POU2AF3: variants seen among roughly 807,000 people sequenced by gnomAD.
The protein encoded by POU2AF3 is cancer susceptibility candidate 13.
the POU2AF3 span, chr11:111,308,670 T>C: frequency 2.8e-6 from 1 of 358,652 alleles, no homozygotes; most frequent in Non-Finnish European, 4.9e-6. Flanking sequence ...TTTCAATTGT[T>C]TTACTTTTTG....
At chr11:111,300,540 G>T in the POU2AF3 span, 5 of 1,231,688 alleles carry the variant, frequency 4.1e-6, no homozygotes, top group South Asian at 8.2e-5. Context: ...AACCGAAGGT[G>T]TATCAAGGTG....
At chr11:111,300,936 G>GTT in the POU2AF3 span, among the ~76,000 whole-genome samples, 1 of 152,188 alleles carries the variant, frequency 6.6e-6, no homozygotes, top group Non-Finnish European at 1.5e-5. Flanking sequence ...CGTTTTGTTA[G>GTT]GAAGACAGTG....
chr11:111,308,329 A>T, the POU2AF3 span: 1 of 1,551,492 alleles, frequency 6.4e-7, no homozygotes, highest in South Asian at 1.2e-5. Flanking sequence ...CTCTCCAGGC[A>T]GCAGAGTACT....
chr11:111,308,265 C>T, the POU2AF3 span: 30 of 1,551,660 alleles, frequency 1.9e-5, no homozygotes, highest in African/African-American at 2.7e-4. Flanking sequence ...TGCTTCTCCT[C>T]GGCCACCACC....
the POU2AF3 span, chr11:111,299,551 G>C: frequency 5.0e-6 from 6 of 1,202,178 alleles, no homozygotes; most frequent in African/African-American, 6.3e-5. Context: ...CCGCGAGCCG[G>C]GGCAGTCCGA....
the POU2AF3 span, chr11:111,307,981 C>T: frequency 1.6e-6 from 2 of 1,276,092 alleles, no homozygotes; most frequent in African/African-American, 3.1e-5. Context: ...CTCATTTTCT[C>T]ACTCTGCATT....
the POU2AF3 span, among the ~76,000 whole-genome samples, chr11:111,305,686 T>C: frequency 6.6e-6 from 1 of 152,220 alleles, no homozygotes; most frequent in Non-Finnish European, 1.5e-5. Flanking sequence ...TTATCACAAA[T>C]TGGGCCTATT....
At chr11:111,304,311 G>A in the POU2AF3 span, among the ~76,000 whole-genome samples, 1 of 139,126 alleles carries the variant, frequency 7.2e-6, no homozygotes, top group Non-Finnish European at 1.6e-5. Flanking sequence ...AGATAGTTGA[G>A]ATTAAATAAA....
the POU2AF3 span, among the ~76,000 whole-genome samples, chr11:111,301,256 C>T: frequency 6.6e-6 from 1 of 152,210 alleles, no homozygotes. Flanking sequence ...TACCCTGACA[C>T]TTTATACACC....
the POU2AF3 span, chr11:111,306,280 T>G: frequency 2.0e-6 from 1 of 496,868 alleles, no homozygotes; most frequent in African/African-American, 2.0e-5. Context: ...TTTTCTGGAT[T>G]TGTTAAGCCC....
the POU2AF3 span, among the ~76,000 whole-genome samples, chr11:111,307,597 G>A: frequency 2.0e-5 from 3 of 152,226 alleles, no homozygotes; most frequent in Non-Finnish European, 4.4e-5. Context: ...GAGACAGGTA[G>A]TGACACATCT....
At chr11:111,299,694 C>G in the POU2AF3 span, 96 of 1,231,622 alleles carry the variant, frequency 7.8e-5, no homozygotes, top group Non-Finnish European at 8.7e-5. Context: ...CAGTGCGCCT[C>G]GGAGAAACGC....
At chr11:111,300,475 C>T in the POU2AF3 span, 7 of 961,622 alleles carry the variant, frequency 7.3e-6, no homozygotes, top group Non-Finnish European at 8.1e-6. Flanking sequence ...CCACTCTGCA[C>T]CCTGGCACCC....
the POU2AF3 span, among the ~76,000 whole-genome samples, chr11:111,303,471 A>G: frequency 1.3e-5 from 2 of 152,218 alleles, no homozygotes; most frequent in African/African-American, 4.8e-5. Context: ...TGAACCCATG[A>G]CTAGAAAGAT....
At chr11:111,300,896 G>A in the POU2AF3 span, among the ~76,000 whole-genome samples, 3 of 152,356 alleles carry the variant, frequency 2.0e-5, no homozygotes, top group African/African-American at 7.2e-5. Context: ...CCTCTGCAGG[G>A]GGAGGAGCGG....
chr11:111,298,826 G>GCGGGGGGCC, the POU2AF3 span: 52 of 790,958 alleles, frequency 6.6e-5, no homozygotes, highest in Non-Finnish European at 7.6e-5. Context: ...CGTACCCCAG[G>GCGGGGGGCC]CCCCCGCCCG....
chr11:111,304,759 C>T, the POU2AF3 span: 1 of 392,906 alleles, frequency 2.5e-6, no homozygotes, highest in Non-Finnish European at 4.4e-6. Context: ...ATATTTTGTA[C>T]AAAAATTTGT....
At chr11:111,304,857 C>T in the POU2AF3 span, 1 of 883,506 alleles carries the variant, frequency 1.1e-6, no homozygotes, top group Admixed American at 4.3e-5. Flanking sequence ...TAGTCCTCAT[C>T]AAAATGTCTT....
the POU2AF3 span, among the ~76,000 whole-genome samples, chr11:111,302,755 A>G: frequency 6.6e-6 from 1 of 152,336 alleles, no homozygotes; most frequent in African/African-American, 2.4e-5. Flanking sequence ...GCAAGCAAGC[A>G]GGTTTAACAC....
Sources: allele counts gnomAD v4.1 joint callset (sites outside exome capture counted in the v4.1 genomes callset), GRCh38; gene constraint gnomAD v4.1.1; transcripts MANE v1.5; gene names NCBI Gene and HGNC (gene_info 2026-07-23, HGNC 2026-07-21).